Variants in TBC1D5 observed in about 807,000 individuals in gnomAD.
TBC1D5 encodes TBC1 domain family member 5.
Under a neutral mutation model 100.3 loss-of-function variants are expected in TBC1D5, and 75 were observed. The ratio of observed to expected loss-of-function variants is 0.75; its 90% confidence interval spans 0.62 to 0.91. TBC1D5 has a LOEUF of 0.91. TBC1D5 is among the 40% of genes least tolerant of loss of function. TBC1D5 has a pLI of 0.00. For missense variants in TBC1D5, 910 were observed against 942.4 expected (o/e 0.97, Z 0.45); for synonymous variants, 323 against 325.6 (o/e 0.99, Z 0.09).
intron 3 of TBC1D5, among the ~76,000 whole-genome samples, chr3:17,453,776 C>A (rs931913368): frequency 2.0e-5 from 3 of 152,128 alleles, no homozygotes; most frequent in Non-Finnish European, 4.4e-5. Flanking sequence ...TTCTACAATG[C>A]CAATATACCA....
intron 21 of TBC1D5, among the ~76,000 whole-genome samples, chr3:17,162,123 A>G (rs1047298894): frequency 6.6e-6 from 1 of 152,248 alleles, no homozygotes; most frequent in African/African-American, 2.4e-5. Flanking sequence ...CCTGGCAGAA[A>G]GAACACCTCA....
At chr3:17,474,409 A>G (rs2095414579) in intron 3 of TBC1D5, among the ~76,000 whole-genome samples, 1 of 152,128 alleles carries the variant, frequency 6.6e-6, no homozygotes. Context: ...CCTGTTTTCT[A>G]TTTAATTCAT....
chr3:17,233,684 C>A lies in TBC1D5; in HGVS notation c.1588+4479G>T, dbSNP rs1205885937. On this transcript the variant is annotated intron_variant, in intron 17 of 21. Coordinates refer to ENST00000253692, the Ensembl canonical transcript of TBC1D5. ...ACACTATGTTGTTATGGTAACTGTA[C>A]CTTGGAGGTCAGTTAGAGTCTGGAC... is the stretch of plus-strand genomic sequence containing the variant. 3.3e-6 allele frequency: 5 copies of A among 1,513,828 alleles called. No homozygotes were observed. Among genetic ancestry groups the A allele is most frequent in the Non-Finnish European group, 3.6e-6 (4 of 1,118,638 alleles). The allele number at this position is 1,513,828 out of a possible 1,614,324, so 93.8% of individuals were successfully genotyped here. A position where few individuals can be genotyped will look rare whatever the true frequency, so the allele number is the denominator to read the frequency against.
At chr3:17,532,729 C>T (rs182234136) in intron 2 of TBC1D5, among the ~76,000 whole-genome samples, 135 of 151,558 alleles carry the variant, frequency 8.9e-4, no homozygotes, top group African/African-American at 2.7e-3. Flanking sequence ...AGCAAACTAT[C>T]GCAAGGACAA....
intron 13 of TBC1D5, among the ~76,000 whole-genome samples, chr3:17,321,074 A>G (rs1277146177): frequency 2.0e-5 from 3 of 152,068 alleles, no homozygotes; most frequent in Non-Finnish European, 2.9e-5. Flanking sequence ...AGTTTTCTAT[A>G]ATTTATTTTT....
chr3:17,349,170 T>G (rs2090258720), intron 13 of TBC1D5, among the ~76,000 whole-genome samples: 1 of 152,210 alleles, frequency 6.6e-6, no homozygotes, highest in South Asian at 2.1e-4. Context: ...CCACAATGTT[T>G]TATTTTTGCT....
intron 4 of TBC1D5, among the ~76,000 whole-genome samples, chr3:17,423,832 A>C (rs1474055470): frequency 6.6e-6 from 1 of 152,196 alleles, no homozygotes; most frequent in Non-Finnish European, 1.5e-5. Flanking sequence ...CGCCATTTAC[A>C]CAAAACTAAG....
At chr3:17,469,322 T>A (rs1478208824) in intron 3 of TBC1D5, among the ~76,000 whole-genome samples, 2 of 152,218 alleles carry the variant, frequency 1.3e-5, no homozygotes, top group African/African-American at 4.8e-5. Flanking sequence ...GTCACATCTT[T>A]ATTTCCAAAA....
intron 1 of TBC1D5, among the ~76,000 whole-genome samples, chr3:17,701,874 A>G (rs1310667204): frequency 3.3e-5 from 5 of 151,872 alleles, no homozygotes; most frequent in African/African-American, 1.2e-4. Flanking sequence ...CTAACTAAGA[A>G]TAAGGGCTAG....
rs565027792 is a variant in TBC1D5, at chr3:17,627,671, TGAGA to T, written c.-100-3762_-100-3759del. Among the ~76,000 whole-genome samples the T allele has an allele frequency of 1.5e-3, 226 of 148,394 alleles. 2 individuals carry two copies. The East Asian group carries it at 0.018, about 12-fold the overall frequency. ...TTTAAATATTCTGGGTTTTTTTTTTTGAGAGAGAGAGAGAGAGAGGGGCTATGTT... is the reference window on the plus strand; with the variant it reads ...TTTAAATATTCTGGGTTTTTTTTTTTGAGAGAGAGAGAGAGGGGCTATGTT... On this transcript the variant is annotated intron_variant, in intron 1 of 21. Coordinates refer to ENST00000253692, the Ensembl canonical transcript of TBC1D5.
intron 3 of TBC1D5, among the ~76,000 whole-genome samples, chr3:17,502,758 C>G (rs565775084): frequency 6.7e-6 from 1 of 149,550 alleles, no homozygotes; most frequent in East Asian, 1.9e-4. Flanking sequence ...AAAATTCTTT[C>G]TCTAGATTTC....
chr3:17,269,052 C>T (rs1217714693), intron 15 of TBC1D5, among the ~76,000 whole-genome samples: 1 of 152,130 alleles, frequency 6.6e-6, no homozygotes, highest in African/African-American at 2.4e-5. Flanking sequence ...AGGATTTAAC[C>T]CCTCTGATAC....
chr3:17,340,863 ATCT>A (rs2088778543), intron 13 of TBC1D5, among the ~76,000 whole-genome samples: 1 of 152,182 alleles, frequency 6.6e-6, no homozygotes, highest in Non-Finnish European at 1.5e-5. Flanking sequence ...GTATCTAGAA[ATCT>A]TCTATCAGTA....
chr3:17,612,555 G>A (rs774813140), intron 2 of TBC1D5, among the ~76,000 whole-genome samples: 165 of 151,724 alleles, frequency 1.1e-3, no homozygotes, highest in Non-Finnish European at 1.9e-3. Flanking sequence ...CCTTGAACCC[G>A]GGAGGCAGAG....
intron 13 of TBC1D5, among the ~76,000 whole-genome samples, chr3:17,362,769 GCT>G (rs1283716773): frequency 2.0e-5 from 3 of 152,098 alleles, no homozygotes; most frequent in Non-Finnish European, 4.4e-5. Context: ...ACTGCGCAAG[GCT>G]CTGACATTAT....
intron 1 of TBC1D5, among the ~76,000 whole-genome samples, chr3:17,673,520 T>G (rs1323347956): frequency 6.6e-6 from 1 of 151,472 alleles, no homozygotes; most frequent in Non-Finnish European, 1.5e-5. Flanking sequence ...TTCGCCGTAT[T>G]GCCCAGCCTG....
intron 18 of TBC1D5, among the ~76,000 whole-genome samples, chr3:17,213,733 CAAAAAA>C (rs71632897): frequency 0.014 from 879 of 61,088 alleles, 5 homozygotes; most frequent in African/African-American, 0.048. Flanking sequence ...GACTCTGTCT[CAAAAAA>C]AAAAAAAAAA....
intron 3 of TBC1D5, among the ~76,000 whole-genome samples, chr3:17,459,891 T>G (rs555889322): frequency 1.3e-5 from 2 of 152,174 alleles, no homozygotes; most frequent in Non-Finnish European, 2.9e-5. Flanking sequence ...TTACAGCAAA[T>G]AGCAGATAAG....
At chr3:17,167,423 A>C (rs1003882952) in intron 20 of TBC1D5, among the ~76,000 whole-genome samples, 2 of 152,364 alleles carry the variant, frequency 1.3e-5, no homozygotes, top group East Asian at 1.9e-4. Flanking sequence ...CTTGTGCCCC[A>C]AAAATATTCA....
Sources: gnomAD v4.1 joint callset for allele counts (sites outside exome capture counted in the v4.1 genomes callset) on GRCh38, gnomAD v4.1.1 for gene constraint, MANE v1.5 for transcripts, NCBI Gene and HGNC (gene_info 2026-07-23, HGNC 2026-07-21) for gene names.